Variants in WDR1 observed in about 807,000 individuals in gnomAD.
WDR1 encodes the protein WD repeat-containing protein 1.
In WDR1, 21 loss-of-function variants were observed where a neutral mutation model predicts 71.9. The ratio of observed to expected loss-of-function variants is 0.29; its 90% CI spans 0.21 to 0.42. The LOEUF (loss-of-function observed/expected upper bound fraction) is 0.42, where lower values mean the gene tolerates loss of function less well. WDR1 is among the 10% of genes least tolerant of loss of function. WDR1 has a pLI of 1.00. For synonymous variants in WDR1, 424 were observed against 347.4 expected, an observed-to-expected ratio of 1.22 and a Z score of -2.45; for missense variants, 696 against 824.5, an observed-to-expected ratio of 0.84 and a Z score of 1.91.
chr4:10,103,849 C>T lies in WDR1; in HGVS notation c.229+47G>A, dbSNP rs984020216. ...CAGCTTCGCCCTGGGCCCTGAGCGC[C>T]ACCCAGGCCCCCACAGGTGTCCACG... On this transcript the variant is annotated intron_variant, in intron 3 of 14. Coordinates refer to ENST00000499869, the MANE Select transcript of WDR1 (RefSeq NM_017491.5). 20 of 1,538,666 alleles carry T rather than the reference C, an allele frequency of 1.3e-5. No homozygotes were observed. The Admixed American group carries it at 1.8e-4, about 14-fold the overall frequency.
At chr4:10,101,603 G>A (rs541391861) in intron 3 of WDR1, among the ~76,000 whole-genome samples, 74 of 152,226 alleles carry the variant, frequency 4.9e-4, no homozygotes, top group Admixed American at 8.5e-4. Context: ...GGAGGACAGC[G>A]TCCCACGATG....
intron 3 of WDR1, among the ~76,000 whole-genome samples, chr4:10,103,267 TACACACAC>T (rs5856031): frequency 1.3e-4 from 18 of 143,018 alleles, no homozygotes; most frequent in Admixed American, 3.5e-4. Flanking sequence ...CATTCACACA[TACACACAC>T]ACACACACAC....
At chr4:10,088,204 T>A (rs780490184) in intron 7 of WDR1, 89 bp downstream of exon 7, 3 of 1,306,966 alleles carry the variant, frequency 2.3e-6, no homozygotes, top group Non-Finnish European at 3.2e-6. Context: ...TTTCAAGTTT[T>A]TGTCTAACTC....
chr4:10,083,326 CCA>C (rs1765087904), intron 9 of WDR1, 148 bp from the exon 10 acceptor site: 1 of 999,970 alleles, frequency 1.0e-6, no homozygotes, highest in Non-Finnish European at 1.4e-6. Context: ...CCTGCAGTGT[CCA>C]CTGTTGACAC....
rs768545774 is a variant in WDR1, at chr4:10,087,764, G to A, written c.894C>T (p.Ser298=). ...QKDHLLSVSL[S]GYINYLDRNN... ...TTCTGTCCAGATAGTTGATGTACCCGGACAGGGAGACACTGAGCAGGTGGT... is the reference window on the plus strand; with the variant it reads ...TTCTGTCCAGATAGTTGATGTACCCAGACAGGGAGACACTGAGCAGGTGGT... Residue 298 remains serine (S), a synonymous_variant, in exon 8 of 15, where the codon TCC becomes TCT. Coordinates refer to ENST00000499869, the MANE Select transcript of WDR1 (RefSeq NM_017491.5). 3.8e-5 allele frequency: 61 copies of A among 1,602,600 alleles called. No homozygotes were observed. The highest frequency in any genetic ancestry group is 1.7e-4 in the Middle Eastern group (1 of 6,056).
chr4:10,112,870 C>T (rs994416799), intron 2 of WDR1, among the ~76,000 whole-genome samples: 31 of 152,230 alleles, frequency 2.0e-4, no homozygotes, highest in Non-Finnish European at 3.7e-4. Context: ...GAGGGGAAAG[C>T]CCTGCTGGCC....
At chr4:10,086,784 G>C (rs929326896) in intron 8 of WDR1, among the ~76,000 whole-genome samples, 2 of 152,200 alleles carry the variant, frequency 1.3e-5, no homozygotes, top group Non-Finnish European at 2.9e-5. Context: ...TTGTCCACCT[G>C]CCTTGATATT....
In WDR1 at chr4:10,075,237, AG is replaced by A; in HGVS notation, c.*140del. 1 of 676,824 alleles carries A rather than the reference AG, an allele frequency of 1.5e-6. No individual in the cohort carries two copies. Among genetic ancestry groups the A allele is most frequent in the South Asian group, 1.7e-5 (1 of 57,558 alleles). The allele number at this position is 676,824 out of a possible 1,614,324, so 41.9% of individuals were successfully genotyped here. A position where few individuals can be genotyped will look rare whatever the true frequency, so the allele number is the denominator to read the frequency against. On this transcript the variant is annotated 3_prime_UTR_variant, in exon 15 of 15. Coordinates refer to ENST00000499869, the MANE Select transcript of WDR1 (RefSeq NM_017491.5). Reference sequence around the variant, plus strand: ...CGTGTACAGACACCCTGCAGAGACGAGGGTCATGACTGGGCCCTCCTGCCTC... The same window carrying A: ...CGTGTACAGACACCCTGCAGAGACGAGGTCATGACTGGGCCCTCCTGCCTC...
intron 2 of WDR1, among the ~76,000 whole-genome samples, chr4:10,105,736 C>T (rs143287040): frequency 7.3e-4 from 111 of 152,342 alleles, no homozygotes; most frequent in South Asian, 2.1e-3. Flanking sequence ...TAAACAGACA[C>T]TACTCACACC....
chr4:10,096,876 C>T (rs558330168), intron 5 of WDR1, among the ~76,000 whole-genome samples: 18 of 152,292 alleles, frequency 1.2e-4, no homozygotes, highest in Admixed American at 9.2e-4. Flanking sequence ...TGTGCATTTC[C>T]GGGTCCATTG....
chr4:10,081,431 C>G lies in WDR1; in HGVS notation c.1210G>C (p.Val404Leu), dbSNP rs1349899155. ...CACTTTGGCTGAACGTCCAGTTTCA[C>G]AACTCCTTGTCCGCTGTTAGAGAGA... ...MLRDYSGQGV[V>L]KLDVQPKCVA... Residue 404 changes from valine (V) to leucine (L), a missense_variant, in exon 11 of 15, where the codon GTG becomes CTG. Physicochemically the swap from Val to Leu is conservative, Grantham distance 32 (BLOSUM62 1). Coordinates refer to ENST00000499869, the MANE Select transcript of WDR1 (RefSeq NM_017491.5). The G allele has an allele frequency of 1.2e-6, 2 of 1,613,808 alleles. No individual in the cohort carries two copies. The highest frequency in any genetic ancestry group is 2.7e-5 in the African/African-American group (2 of 74,906).
intron 11 of WDR1, 71 bp downstream of exon 11, chr4:10,081,286 A>G (rs1165256476): frequency 6.8e-7 from 1 of 1,466,276 alleles, no homozygotes; most frequent in African/African-American, 1.4e-5. Flanking sequence ...CAAACGGGAC[A>G]TGAGTCAAAT....
At chr4:10,084,147 C>T (rs1028770744) in intron 9 of WDR1, among the ~76,000 whole-genome samples, 10 of 152,344 alleles carry the variant, frequency 6.6e-5, no homozygotes, top group Non-Finnish European at 8.8e-5. Context: ...AGCCCAAGCT[C>T]AGGGCCGTTA....
chr4:10,098,592 G>C (rs1031732877), intron 4 of WDR1, among the ~76,000 whole-genome samples: 1 of 152,192 alleles, frequency 6.6e-6, no homozygotes, highest in Non-Finnish European at 1.5e-5. Flanking sequence ...GAGACCCTTG[G>C]GGGAGGTGCC....
At chr4:10,115,508 C>T (rs1009549722) in intron 2 of WDR1, among the ~76,000 whole-genome samples, 1 of 152,168 alleles carries the variant, frequency 6.6e-6, no homozygotes, top group African/African-American at 2.4e-5. Flanking sequence ...TACTGGAAGA[C>T]CAGGGTATTA....
chr4:10,099,171 A>AGTGGGGGG, intron 3 of WDR1, 32 bp from the exon 4 acceptor site: 1 of 109,758 alleles, frequency 9.1e-6, no homozygotes, highest in East Asian at 1.8e-4. Flanking sequence ...GGAGGGGGGG[A>AGTGGGGGG]GGCGGTGGTG....
At chr4:10,090,116 G>A (rs1711874586) in intron 5 of WDR1, among the ~76,000 whole-genome samples, 3 of 152,284 alleles carry the variant, frequency 2.0e-5, no homozygotes, top group East Asian at 3.9e-4. Flanking sequence ...AGACAAGGAA[G>A]GACTCGGAGT....
intron 2 of WDR1, among the ~76,000 whole-genome samples, chr4:10,115,550 G>GC (rs1713660172): frequency 6.6e-6 from 1 of 152,184 alleles, no homozygotes; most frequent in African/African-American, 2.4e-5. Context: ...ATTCCATTCA[G>GC]CAAGGGCTCA....
intron 14 of WDR1, chr4:10,075,743 T>C (rs1764776507): frequency 3.6e-6 from 2 of 553,220 alleles, no homozygotes; most frequent in Middle Eastern, 4.9e-4. Context: ...CACCTACAGA[T>C]GCCAGTGGCT....
Sources: gnomAD v4.1 joint callset for allele counts (sites outside exome capture counted in the v4.1 genomes callset) on GRCh38, gnomAD v4.1.1 for gene constraint, MANE v1.5 for transcripts, NCBI Gene and HGNC (gene_info 2026-07-23, HGNC 2026-07-21) for gene names.